Variants in CARD14 observed in about 807,000 individuals in gnomAD.
CARD14 encodes caspase recruitment domain-containing protein 14.
CARD14 carries 107 observed loss-of-function variants against 111.5 expected under a neutral mutation model. The ratio of observed to expected loss-of-function variants is 0.96; its 90% CI spans 0.82 to 1.13. The LOEUF is 1.13. Ranked by LOEUF, CARD14 falls within the 50% of genes most tolerant of loss-of-function variation. The probability of loss-of-function intolerance (pLI) is 0.00; values close to 1 mark genes in which losing one functional copy is unlikely to be tolerated. For missense variants in CARD14, 1,322 were observed against 1,362.3 expected (o/e 0.97, Z 0.47); for synonymous variants, 617 against 579.6 (o/e 1.06, Z -0.93).
In CARD14 at chr17:80,195,714, T is replaced by C; in HGVS notation, c.1594+62T>C. ...ACCTCCCCTGGGCAGAGCAGGGAGC[T>C]GATGAGAAAGCCGGGGCCTCTCTCC... is the stretch of plus-strand genomic sequence containing the variant. On this transcript the variant is annotated intron_variant, in intron 14 of 23. Coordinates refer to ENST00000648509, the MANE Select transcript of CARD14 (RefSeq NM_001366385.1). The surrounding 1 kb of genome is among the most constrained non-coding windows in gnomAD (Gnocchi z 4.7). The C allele has an allele frequency of 7.2e-7, 1 of 1,398,514 alleles. No homozygotes were observed. The highest frequency in any genetic ancestry group is 2.4e-5 in the East Asian group (1 of 41,406). 86.6% of individuals were successfully genotyped at this position (1,398,514 alleles called of 1,614,324 possible).
Position 80,198,387 on chromosome 17 carries a change from C to G in CARD14, c.1659-12C>G. The G allele has an allele frequency of 6.3e-7, 1 of 1,591,332 alleles. No individual in the cohort carries two copies. Among genetic ancestry groups the G allele is most frequent in the Non-Finnish European group, 8.6e-7 (1 of 1,166,066 alleles). On this transcript the variant is annotated splice_polypyrimidine_tract_variant and intron_variant, in intron 15 of 23. Coordinates refer to ENST00000648509, the MANE Select transcript of CARD14 (RefSeq NM_001366385.1). The surrounding 1 kb of genome is among the most constrained non-coding windows in gnomAD (Gnocchi z 7.5). The stretch of plus-strand genomic sequence containing the variant: ...TGGGCAGTGCACAAGCCGGTCGTCT[C>G]CCGGCCTGCAGCGGCGTCCTCATGC...
In CARD14 at chr17:80,181,552, C is replaced by T. The variant is rs777880019; in HGVS notation, c.114C>T (p.Arg38=). Reference sequence around the variant, plus strand: ...TCGTACGCTGCATCTGCCCCAGCCGCCTCACCCCCTACCTGCGCCAGGCCA... The same window carrying T: ...TCGTACGCTGCATCTGCCCCAGCCGTCTCACCCCCTACCTGCGCCAGGCCA... ...HRIVRCICPS[R]LTPYLRQAKV... Residue 38 remains arginine, a synonymous_variant, in exon 5 of 24, where the codon CGC becomes CGT. Coordinates refer to ENST00000648509, the MANE Select transcript of CARD14 (RefSeq NM_001366385.1). The T allele has an allele frequency of 2.5e-6, 4 of 1,572,068 alleles. No homozygotes were observed. The highest frequency in any genetic ancestry group is 4.7e-5 in the East Asian group (2 of 42,206).
chr17:80,200,229 ATTTTTTTTTTT>A (rs373332962), intron 16 of CARD14, among the ~76,000 whole-genome samples: 5 of 74,412 alleles, frequency 6.7e-5, no homozygotes. Context: ...TTTACATGTC[ATTTTTTTTTTT>A]TTTTTTTTTT....
intron 16 of CARD14, chr17:80,199,051 T>C (rs550125240): frequency 1.2e-4 from 39 of 330,834 alleles, no homozygotes; most frequent in Admixed American, 7.5e-4. Flanking sequence ...CCAGGCTCGA[T>C]TGATCCTCCC....
In CARD14 at chr17:80,202,183, A is replaced by G. The variant is rs763973976; in HGVS notation, c.1982A>G (p.Tyr661Cys). 3.1e-6 allele frequency: 5 copies of G among 1,613,306 alleles called. No homozygotes were observed. Among genetic ancestry groups the G allele is most frequent in the Non-Finnish European group, 4.2e-6 (5 of 1,179,602 alleles). ...CLSVKVNTDG[Y>C]KRLLQDLEAK... The stretch of plus-strand genomic sequence containing the variant: ...GGCTCATGTCCCCTTTTATCAGGTT[A>G]TAAGAGGCTACTCCAGGACCTGGAG... Residue 661 changes from tyrosine to cysteine, a missense_variant, in exon 18 of 24, where the codon TAT (tyrosine) becomes TGT (cysteine). Coordinates refer to ENST00000648509, the MANE Select transcript of CARD14 (RefSeq NM_001366385.1).
At chr17:80,179,909 C>T (rs1035861493) in intron 4 of CARD14, among the ~76,000 whole-genome samples, 1 of 152,142 alleles carries the variant, frequency 6.6e-6, no homozygotes, top group Non-Finnish European at 1.5e-5. Flanking sequence ...AACAAAAAGG[C>T]GCCATCTGCC....
At chr17:80,194,607 C>G (rs1820307795) in intron 12 of CARD14, among the ~76,000 whole-genome samples, 1 of 152,212 alleles carries the variant, frequency 6.6e-6, no homozygotes, top group Non-Finnish European at 1.5e-5. Context: ...AATTGACTCA[C>G]AGTTCACAGT....
chr17:80,189,819 C>A lies in CARD14; in HGVS notation c.910C>A (p.Arg304Ser). 6.3e-7 allele frequency: 1 copy of A among 1,584,298 alleles called. No homozygotes were observed. The highest frequency in any genetic ancestry group is 8.5e-7 in the Non-Finnish European group (1 of 1,170,196). The change falls in exon 9 of 24, where the codon CGC (arginine) becomes AGC (serine). Residue 304 changes from arginine to serine, a missense_variant. Coordinates refer to ENST00000648509, the MANE Select transcript of CARD14 (RefSeq NM_001366385.1). This position sits in a 1 kb window ranked among gnomAD's most constrained non-coding sequence, Gnocchi z 4.7. The stretch of plus-strand genomic sequence containing the variant: ...GGGGAGCCGACAGGAGCTGGTGGAG[C>A]GCATCCACTCGCTGCGGGAGCGGGC... The part of the protein sequence containing the change: ...ARGSRQELVE[R>S]IHSLRERAVA...
At position 80,182,912 on chromosome 17, in the gene CARD14, C is replaced by T; in HGVS notation, c.349+122C>T. Reference sequence around the variant, plus strand: ...TCCCCCTTCCCTCCAGGCTGCAGTTCCTGTCCCAGCCCCAGCACTCTGAGG... The same window carrying T: ...TCCCCCTTCCCTCCAGGCTGCAGTTTCTGTCCCAGCCCCAGCACTCTGAGG... On this transcript the variant is annotated intron_variant, in intron 6 of 23. Transcript: ENST00000648509. The surrounding 1 kb of genome is among the most constrained non-coding windows in gnomAD (Gnocchi z 4.7). 8.6e-7 allele frequency: 1 copy of T among 1,159,614 alleles called. No homozygotes were observed. The highest frequency in any genetic ancestry group is 1.2e-6 in the Non-Finnish European group (1 of 807,180). The allele number at this position is 1,159,614 out of a possible 1,614,324, so 71.8% of individuals were successfully genotyped here.
chr17:80,203,965 ACT>A lies in CARD14; in HGVS notation c.2283+81_2283+82del. On this transcript the variant is annotated intron_variant, in intron 19 of 23. Transcript: ENST00000648509. This position sits in a 1 kb window ranked among gnomAD's most constrained non-coding sequence, Gnocchi z 4.6. ...CGGTGCTGGCAGGGTGGCAGGAGGC[ACT>A]GTGTGGAGAGTGGGCTGCTGATTGG... 1 of 1,203,136 alleles carries A rather than the reference ACT, an allele frequency of 8.3e-7. No individual in the cohort carries two copies. 74.5% of individuals were successfully genotyped at this position (1,203,136 alleles called of 1,614,324 possible). A position where few individuals can be genotyped will look rare whatever the true frequency, so the allele number is the denominator to read the frequency against.
chr17:80,184,339 TTGTC>T, intron 7 of CARD14, 101 bp downstream of exon 7: 2 of 1,037,510 alleles, frequency 1.9e-6, no homozygotes, highest in African/African-American at 3.3e-5. Context: ...CCCCTCTTCC[TTGTC>T]TAACACTTCC....
intron 21 of CARD14, 48 bp from the exon 22 acceptor site, chr17:80,205,483 A>G: frequency 6.4e-7 from 1 of 1,563,500 alleles, no homozygotes; most frequent in Non-Finnish European, 8.7e-7. Context: ...ACTCCCCCAG[A>G]CCCCCACACA....
chr17:80,203,995 G>A lies in CARD14; in HGVS notation c.2283+110G>A, dbSNP rs1435435180. 1 of 946,154 alleles carries A rather than the reference G, an allele frequency of 1.1e-6. No individual in the cohort carries two copies. The highest frequency in any genetic ancestry group is 2.5e-5 in the Admixed American group (1 of 39,904). The allele number at this position is 946,154 out of a possible 1,614,324, so 58.6% of individuals were successfully genotyped here. A position where few individuals can be genotyped will look rare whatever the true frequency, so the allele number is the denominator to read the frequency against. On this transcript the variant is annotated intron_variant, in intron 19 of 23. Transcript: ENST00000648509. The surrounding 1 kb of genome is among the most constrained non-coding windows in gnomAD (Gnocchi z 4.6). ...GTGGAGAGTGGGCTGCTGATTGGAG[G>A]GTAACCCCACCTGTCTCTCCTCTGC...
chr17:80,184,238 G>A lies in CARD14; in HGVS notation c.675G>A (p.Glu225=), dbSNP rs1598640695. The A allele has an allele frequency of 1.3e-6, 2 of 1,519,922 alleles. No homozygotes were observed. The highest frequency in any genetic ancestry group is 8.9e-7 in the Non-Finnish European group (1 of 1,129,144). 94.2% of individuals were successfully genotyped at this position (1,519,922 alleles called of 1,614,324 possible). ...CACGCTGCCGCAGCCTGCAGGAGGA[G>A]GTAGGGGGACACCCTGCACCCCGGC... The part of the protein sequence containing the change: ...AASRCRSLQE[E]LYLLKQELQR... Residue 225 remains glutamate, a splice_region_variant and synonymous_variant, in exon 7 of 24, where the codon GAG becomes GAA. Coordinates refer to ENST00000648509, the MANE Select transcript of CARD14 (RefSeq NM_001366385.1).
Position 80,195,433 on chromosome 17 carries a change from G to T in CARD14, c.1499+100G>T. On this transcript the variant is annotated intron_variant, in intron 13 of 23. Transcript: ENST00000648509. The surrounding 1 kb of genome is among the most constrained non-coding windows in gnomAD (Gnocchi z 4.7). ...CTAGACCTCAGGGCATCTGGGTATT[G>T]CAGGCAGCAGCTCCTGCCCTCGAAG... 6.6e-7 allele frequency: 1 copy of T among 1,511,356 alleles called. No individual in the cohort carries two copies. The highest frequency in any genetic ancestry group is 8.9e-7 in the Non-Finnish European group (1 of 1,123,242). 93.6% of individuals were successfully genotyped at this position (1,511,356 alleles called of 1,614,324 possible).
rs1350019838 is a variant in CARD14, at chr17:80,182,061, T to C, written c.211+412T>C. On this transcript the variant is annotated intron_variant, in intron 5 of 23. Coordinates refer to ENST00000648509, the MANE Select transcript of CARD14 (RefSeq NM_001366385.1). This position sits in a 1 kb window ranked among gnomAD's most constrained non-coding sequence, Gnocchi z 4.7. ...AACACTCACTGCAAAGCTGGGGCCA[T>C]AGAAAACAGGCAGTAGGTGGTAGCT... Among the ~76,000 whole-genome samples, 1 of 152,202 alleles carries C rather than the reference T, an allele frequency of 6.6e-6. No individual in the cohort carries two copies. The highest frequency in any genetic ancestry group is 1.5e-5 in the Non-Finnish European group (1 of 68,032).
In CARD14 at chr17:80,181,299, G is replaced by A. The variant is rs7224004; in HGVS notation, c.-20-120G>A. 3,120 of 724,744 alleles carry A rather than the reference G, an allele frequency of 4.3e-3. 64 individuals carry two copies. In the African/African-American group the frequency reaches 0.051, roughly 12 times the overall value. 44.9% of individuals were successfully genotyped at this position (724,744 alleles called of 1,614,324 possible). A position where few individuals can be genotyped will look rare whatever the true frequency, so the allele number is the denominator to read the frequency against. On this transcript the variant is annotated intron_variant, in intron 4 of 23. Transcript: ENST00000648509. ...TAAACATCTCAAGACTGTGGGTTCT[G>A]ACTGGCAAAGAGTGCGCCTTGCTAA...
chr17:80,207,420 G>C (rs1048154787), intron 23 of CARD14, among the ~76,000 whole-genome samples: 1 of 152,104 alleles, frequency 6.6e-6, no homozygotes, highest in African/African-American at 2.4e-5. Context: ...GTGTGGCGGC[G>C]GGCGCCTGTA....
rs939144145 is a variant in CARD14 at position 80,205,720 on chromosome 17, G to C, written c.2691+68G>C. 6 of 1,460,458 alleles carry C rather than the reference G, an allele frequency of 4.1e-6. No individual in the cohort carries two copies. In the African/African-American group the frequency reaches 7.1e-5, roughly 17 times the overall value. The allele number at this position is 1,460,458 out of a possible 1,614,324, so 90.5% of individuals were successfully genotyped here. On this transcript the variant is annotated intron_variant, in intron 22 of 23. Transcript: ENST00000648509. ...GGGTTTCAGGAATGCAGAGGAGGGG[G>C]ATGAGATAAAGGTACAGGGACCGAC... is the stretch of plus-strand genomic sequence containing the variant.
Sources: gnomAD v4.1 joint callset for allele counts (sites outside exome capture counted in the v4.1 genomes callset) on GRCh38, gnomAD v4.1.1 for gene constraint, Gnocchi (gnomAD v3.1) non-coding constraint, MANE v1.5 for transcripts, NCBI Gene and HGNC (gene_info 2026-07-23, HGNC 2026-07-21) for gene names.